Variants in HLCS observed in about 807,000 individuals in gnomAD.
The protein encoded by HLCS is biotin--protein ligase.
Under a neutral mutation model 75.0 loss-of-function variants are expected in HLCS, and 53 were observed. That is an observed-to-expected ratio of 0.71 (90% CI 0.57 to 0.89). HLCS has a LOEUF of 0.89. Among genes scored for constraint, HLCS ranks in the 40% least tolerant of loss-of-function variants. The pLI is 0.00. For synonymous variants in HLCS, 431 were observed against 428.6 expected, an observed-to-expected ratio of 1.01 and a Z score of -0.07; for missense variants, 966 against 1,074.0, an observed-to-expected ratio of 0.90 and a Z score of 1.41.
At chr21:36,952,789 CAAAAAAAAAAAAA>C (rs35700333) in intron 2 of HLCS, among the ~76,000 whole-genome samples, 1 of 48,854 alleles carries the variant, frequency 2.0e-5, no homozygotes, top group Non-Finnish European at 4.3e-5. Context: ...GACTCCGTCT[CAAAAAAAAAAAAA>C]AAAAAAAAAA....
chr21:36,898,209 G>A (rs1312173635), intron 5 of HLCS, among the ~76,000 whole-genome samples: 1 of 152,050 alleles, frequency 6.6e-6, no homozygotes, highest in African/African-American at 2.4e-5. Flanking sequence ...ACTTTGGGAG[G>A]CCCAGGCGGG....
chr21:36,854,775 G>C (rs905241053), intron 6 of HLCS, among the ~76,000 whole-genome samples: 3 of 152,202 alleles, frequency 2.0e-5, no homozygotes, highest in African/African-American at 7.2e-5. Flanking sequence ...TGGACAACAA[G>C]ATTCTCCCAC....
At chr21:36,933,132 T>A (rs756150314) in intron 4 of HLCS, among the ~76,000 whole-genome samples, 10 of 151,514 alleles carry the variant, frequency 6.6e-5, no homozygotes, top group Non-Finnish European at 1.5e-4. Context: ...AAATAAAGGT[T>A]GAGGCCAATC....
At chr21:36,978,895 C>T (rs1355898042) in intron 1 of HLCS, among the ~76,000 whole-genome samples, 1 of 152,114 alleles carries the variant, frequency 6.6e-6, no homozygotes, top group Non-Finnish European at 1.5e-5. Flanking sequence ...ACATGACAAC[C>T]GAATTTCTCC....
At chr21:36,978,377 C>G (rs1022169735) in intron 1 of HLCS, among the ~76,000 whole-genome samples, 1 of 151,962 alleles carries the variant, frequency 6.6e-6, no homozygotes, top group Non-Finnish European at 1.5e-5. Flanking sequence ...CAACGTAGTC[C>G]CAGCTGCTCA....
In HLCS at chr21:36,933,570, AAAC is replaced by A. The variant is rs1266144444; in HGVS notation, c.1437+2876_1437+2878del. Reference sequence around the variant, plus strand: ...CCGTCTCAAAAAAAAAAAAAAAAAAAAACAATCTGTATCCTACTCAGTGCACTT... The same window carrying A: ...CCGTCTCAAAAAAAAAAAAAAAAAAAAATCTGTATCCTACTCAGTGCACTT... On this transcript the variant is annotated intron_variant, in intron 4 of 10. Coordinates refer to ENST00000674895, the MANE Select transcript of HLCS (RefSeq NM_001352514.2). 2.9e-4 allele frequency among the ~76,000 whole-genome samples: 44 copies of A among 151,416 alleles called. No individual in the cohort carries two copies. The East Asian group carries it at 3.9e-3, about 13-fold the overall frequency.
chr21:36,879,226 T>C (rs1380357145), intron 6 of HLCS, among the ~76,000 whole-genome samples: 1 of 152,232 alleles, frequency 6.6e-6, no homozygotes, highest in Non-Finnish European at 1.5e-5. Flanking sequence ...GTCTGCTTTG[T>C]TTTATAATTC....
At chr21:36,781,618 T>C (rs928912468) in intron 6 of HLCS, among the ~76,000 whole-genome samples, 1 of 152,182 alleles carries the variant, frequency 6.6e-6, no homozygotes, top group African/African-American at 2.4e-5. Context: ...TTGTTTGAGT[T>C]AGAGAATCAC....
chr21:36,920,496 A>T (rs1160610674), intron 5 of HLCS, among the ~76,000 whole-genome samples: 1 of 152,168 alleles, frequency 6.6e-6, no homozygotes, highest in Non-Finnish European at 1.5e-5. Flanking sequence ...ATTTAACTGT[A>T]CATGCTCAAA....
intron 6 of HLCS, among the ~76,000 whole-genome samples, chr21:36,802,363 G>A (rs2061231968): frequency 6.6e-6 from 1 of 152,208 alleles, no homozygotes; most frequent in Non-Finnish European, 1.5e-5. Flanking sequence ...AGGGGACTAT[G>A]CGCCCAGGAG....
chr21:36,930,010 G>A (rs187402913), intron 5 of HLCS, among the ~76,000 whole-genome samples: 2 of 152,284 alleles, frequency 1.3e-5, no homozygotes, highest in East Asian at 3.9e-4. Flanking sequence ...CCCCTAACGT[G>A]GAAAGGGCCA....
At chr21:36,822,537 G>C (rs2061878256) in intron 6 of HLCS, among the ~76,000 whole-genome samples, 1 of 152,074 alleles carries the variant, frequency 6.6e-6, no homozygotes, top group Admixed American at 6.5e-5. Flanking sequence ...TTTTATTTTG[G>C]AATAATTTTT....
At chr21:36,819,460 C>T (rs563730863) in intron 6 of HLCS, among the ~76,000 whole-genome samples, 5 of 152,320 alleles carry the variant, frequency 3.3e-5, no homozygotes, top group Middle Eastern at 3.4e-3. Context: ...TCTGACCTTT[C>T]GTTTTCACAT....
chr21:36,813,679 A>G (rs1280085186), intron 6 of HLCS, among the ~76,000 whole-genome samples: 1 of 152,206 alleles, frequency 6.6e-6, no homozygotes, highest in African/African-American at 2.4e-5. Flanking sequence ...AAATGACATA[A>G]AAAGCAAAGA....
intron 6 of HLCS, among the ~76,000 whole-genome samples, chr21:36,784,466 C>T (rs1383312277): frequency 1.3e-5 from 2 of 152,038 alleles, no homozygotes; most frequent in African/African-American, 2.4e-5. Flanking sequence ...CAGGCATGTG[C>T]CACCATGCTT....
chr21:36,967,661 G>T (rs758500707), upstream of HLCS, among the ~76,000 whole-genome samples: 1 of 152,208 alleles, frequency 6.6e-6, no homozygotes, highest in African/African-American at 2.4e-5. Flanking sequence ...CTGAAAATAG[G>T]TGGCAAGATG....
Position 36,761,811 on chromosome 21 carries a change from C to T in HLCS, c.2122-1970G>A, listed in dbSNP as rs566541452. Among the ~76,000 whole-genome samples the T allele has an allele frequency of 2.0e-5, 3 of 152,346 alleles. No individual in the cohort carries two copies. In the South Asian group the frequency reaches 6.2e-4, roughly 32 times the overall value. Reference sequence around the variant, plus strand: ...GCCTTCCCACATCCCCCTGTGCCCACCACATGGCCAGGGGAATGAGCCCCT... The same window carrying T: ...GCCTTCCCACATCCCCCTGTGCCCATCACATGGCCAGGGGAATGAGCCCCT... On this transcript the variant is annotated intron_variant, in intron 8 of 10. Coordinates refer to ENST00000674895, the MANE Select transcript of HLCS (RefSeq NM_001352514.2).
At chr21:36,874,409 T>A (rs7278075) in intron 6 of HLCS, among the ~76,000 whole-genome samples, 2,514 of 48,956 alleles carry the variant, frequency 0.051, 64 homozygotes, top group African/African-American at 0.28. Flanking sequence ...CTCAAAAAAA[T>A]AAAATAAAAT....
intron 6 of HLCS, among the ~76,000 whole-genome samples, chr21:36,847,775 T>A (rs77351861): frequency 0.013 from 2,053 of 152,286 alleles, 37 homozygotes; most frequent in African/African-American, 0.047. Context: ...ATATAAGAAT[T>A]TTTTTTAATT....
Sources: allele counts gnomAD v4.1 joint callset (sites outside exome capture counted in the v4.1 genomes callset), GRCh38; gene constraint gnomAD v4.1.1; transcripts MANE v1.5; gene names NCBI Gene and HGNC (gene_info 2026-07-23, HGNC 2026-07-21).